The following ZNF385D variants were observed in gnomAD, a reference collection of about 807,000 sequenced individuals.
ZNF385D encodes zinc finger protein 385D.
In ZNF385D, 15 loss-of-function variants were observed where a neutral mutation model predicts 35.8. The observed-to-expected ratio is 0.42, with a 90% confidence interval of 0.28 to 0.64. ZNF385D has a LOEUF of 0.64. Ranked by LOEUF, ZNF385D falls within the 30% of genes least tolerant of loss-of-function variation. ZNF385D has a pLI of 0.23. For synonymous variants in ZNF385D, 212 were observed against 186.8 expected (o/e 1.13, Z -1.10); for missense variants, 474 against 494.6 (o/e 0.96, Z 0.39).
chr3:22,105,639 C>G (rs1390088652), intron 3 of ZNF385D, among the ~76,000 whole-genome samples: 2 of 151,986 alleles, frequency 1.3e-5, no homozygotes, highest in Non-Finnish European at 2.9e-5. Context: ...CCACCAAGGG[C>G]AAGAGATGAC....
intron 2 of ZNF385D, among the ~76,000 whole-genome samples, chr3:22,345,768 G>A (rs915671908): frequency 3.3e-5 from 5 of 152,104 alleles, no homozygotes; most frequent in Non-Finnish European, 1.5e-5. Context: ...ATTTCACTTA[G>A]GGGAAGACAG....
At chr3:21,908,166 CTA>C (rs1699792528) in intron 3 of ZNF385D, among the ~76,000 whole-genome samples, 1 of 146,610 alleles carries the variant, frequency 6.8e-6, no homozygotes, top group Non-Finnish European at 1.5e-5. Context: ...ATCTATCTAT[CTA>C]TCTATATATG....
At position 22,362,825 on chromosome 3, in the gene ZNF385D, A is replaced by G. The variant is rs112642434; in HGVS notation, c.106+9625T>C. ...TAGACTCTGACAGCTATTCAACTCAATTTTCTACAACCCCTATGTCTACCA... is the reference window on the plus strand; with the variant it reads ...TAGACTCTGACAGCTATTCAACTCAGTTTTCTACAACCCCTATGTCTACCA... On this transcript the variant is annotated intron_variant, in intron 2 of 5. Coordinates refer to the ZNF385D transcript ENST00000494108. 9.2e-3 allele frequency among the ~76,000 whole-genome samples: 1,398 copies of G among 152,138 alleles called. 18 individuals are homozygous for G. Among genetic ancestry groups the G allele is most frequent in the African/African-American group, 0.031 (1,302 of 41,508 alleles).
intron 4 of ZNF385D, among the ~76,000 whole-genome samples, chr3:21,499,040 C>T (rs1050118212): frequency 4.0e-5 from 6 of 148,684 alleles, no homozygotes; most frequent in Middle Eastern, 3.3e-3. Flanking sequence ...GGAGTGTAAA[C>T]TAGTTCAGCC....
At chr3:21,506,962 T>TAG (rs3996205) in intron 4 of ZNF385D, among the ~76,000 whole-genome samples, 1 of 151,320 alleles carries the variant, frequency 6.6e-6, no homozygotes, top group Non-Finnish European at 1.5e-5. Flanking sequence ...CTGGCATAAT[T>TAG]AGAGAAAAAG....
At chr3:21,748,207 T>C (rs1319995168) in intron 1 of ZNF385D, among the ~76,000 whole-genome samples, 1 of 152,174 alleles carries the variant, frequency 6.6e-6, no homozygotes, top group Non-Finnish European at 1.5e-5. Flanking sequence ...GAAAGCTCTA[T>C]TATTCTGGCA....
chr3:21,609,735 G>A (rs1016914747), intron 2 of ZNF385D, among the ~76,000 whole-genome samples: 1 of 152,196 alleles, frequency 6.6e-6, no homozygotes. Context: ...TTCTTTTCAG[G>A]AAGCTGAAAG....
chr3:21,558,476 T>C (rs1324858434), intron 3 of ZNF385D, among the ~76,000 whole-genome samples: 1 of 152,204 alleles, frequency 6.6e-6, no homozygotes, highest in African/African-American at 2.4e-5. Flanking sequence ...TGAGTCAGTT[T>C]CTTAATCCTG....
chr3:21,683,548 C>T lies in ZNF385D; in HGVS notation c.23-18520G>A, dbSNP rs1295191040. ...AAGAGAATTGCTTGAACCTGGGAGG[C>T]GAAGGTTGCAGTGAGCCGAGATCGC... On this transcript the variant is annotated intron_variant, in intron 1 of 7. Coordinates refer to ENST00000281523, the MANE Select transcript of ZNF385D (RefSeq NM_024697.3). 4.0e-5 allele frequency among the ~76,000 whole-genome samples: 6 copies of T among 148,840 alleles called. 1 individual carries two copies. Among genetic ancestry groups the T allele is most frequent in the African/African-American group, 1.2e-4 (5 of 40,274 alleles).
chr3:21,601,276 C>CGT lies in ZNF385D; in HGVS notation c.166-36593_166-36592insAC, dbSNP rs2064282108. On this transcript the variant is annotated intron_variant, in intron 2 of 7. Coordinates refer to ENST00000281523, the MANE Select transcript of ZNF385D (RefSeq NM_024697.3). Reference sequence around the variant, plus strand: ...CTTCCTTTATAAAGCAGATGTTAAACCATAGGCCAGGACAGATCTGAATTC... The same window carrying CGT: ...CTTCCTTTATAAAGCAGATGTTAAACGTCATAGGCCAGGACAGATCTGAATTC... Among the ~76,000 whole-genome samples, 3 of 152,186 alleles carry CGT rather than the reference C, an allele frequency of 2.0e-5. No homozygotes were observed. In the South Asian group the frequency reaches 6.2e-4, roughly 31 times the overall value.
intron 3 of ZNF385D, among the ~76,000 whole-genome samples, chr3:22,018,704 C>T (rs552459082): frequency 1.1e-4 from 16 of 151,878 alleles, no homozygotes; most frequent in Non-Finnish European, 1.9e-4. Context: ...CTCATAATGG[C>T]CTATTTACAC....
intron 4 of ZNF385D, among the ~76,000 whole-genome samples, chr3:21,474,187 T>TA (rs1704085176): frequency 6.6e-6 from 1 of 152,048 alleles, no homozygotes; most frequent in Non-Finnish European, 1.5e-5. Flanking sequence ...TTTTCTTCTT[T>TA]ATTGCTTTCC....
chr3:21,815,723 G>A (rs2073117841), intron 3 of ZNF385D, among the ~76,000 whole-genome samples: 2 of 152,078 alleles, frequency 1.3e-5, no homozygotes, highest in Non-Finnish European at 1.5e-5. Context: ...CGGACCAGAC[G>A]GATTCACAGC....
chr3:21,821,825 G>A (rs114801937), intron 3 of ZNF385D, among the ~76,000 whole-genome samples: 3 of 151,856 alleles, frequency 2.0e-5, no homozygotes, highest in East Asian at 1.9e-4. Flanking sequence ...AACCAGGCAC[G>A]GTAGCACGTT....
At chr3:21,905,228 A>AAAAAC (rs1264527119) in intron 3 of ZNF385D, among the ~76,000 whole-genome samples, 6 of 146,764 alleles carry the variant, frequency 4.1e-5, no homozygotes, top group Admixed American at 1.4e-4. Flanking sequence ...AAAAAAAAAA[A>AAAAAC]CCCTAAACCT....
In ZNF385D at chr3:22,172,107, A is replaced by G. The variant is rs182584029; in HGVS notation, c.107-3072T>C. Among the ~76,000 whole-genome samples, 157 of 152,270 alleles carry G rather than the reference A, an allele frequency of 1.0e-3. 1 individual carries two copies. The highest frequency in any genetic ancestry group is 1.8e-3 in the Non-Finnish European group (120 of 68,014). The stretch of plus-strand genomic sequence containing the variant: ...GGTGACTGTCTTGGAACCCAAAATA[A>G]TTTATCAATTTGTCCACTTTTTTCC... On this transcript the variant is annotated intron_variant, in intron 2 of 5. Transcript: ENST00000494108.
intron 2 of ZNF385D, among the ~76,000 whole-genome samples, chr3:22,344,637 G>T (rs1194852122): frequency 6.6e-6 from 1 of 151,984 alleles, no homozygotes; most frequent in Non-Finnish European, 1.5e-5. Flanking sequence ...GCTCAGGCTT[G>T]TCTCAAACTC....
intron 4 of ZNF385D, among the ~76,000 whole-genome samples, chr3:21,454,058 A>G (rs1702627175): frequency 6.6e-6 from 1 of 152,118 alleles, no homozygotes; most frequent in Admixed American, 6.6e-5. Context: ...ACATGGATGA[A>G]CCTTGAAAGC....
intron 3 of ZNF385D, among the ~76,000 whole-genome samples, chr3:22,110,398 A>C (rs1702452844): frequency 6.6e-6 from 1 of 152,078 alleles, no homozygotes; most frequent in East Asian, 1.9e-4. Context: ...CAAATGTCCA[A>C]CAATGATAGA....
Sources: gnomAD v4.1 joint callset for allele counts (sites outside exome capture counted in the v4.1 genomes callset) on GRCh38, gnomAD v4.1.1 for gene constraint, MANE v1.5 for transcripts, NCBI Gene and HGNC (gene_info 2026-07-23, HGNC 2026-07-21) for gene names.